Variants in CDH12 observed in about 807,000 individuals in gnomAD.
The protein encoded by CDH12 is cadherin-12.
Under a neutral mutation model 74.1 loss-of-function variants are expected in CDH12, and 41 were observed. The ratio of observed to expected loss-of-function variants is 0.55; its 90% CI spans 0.43 to 0.72. CDH12 has a LOEUF of 0.72. Ranked by LOEUF, CDH12 falls within the 30% of genes least tolerant of loss-of-function variation. The pLI, the probability that CDH12 is intolerant of heterozygous loss-of-function variation, is 0.00. For synonymous variants in CDH12, 399 were observed against 355.0 expected, an observed-to-expected ratio of 1.12 and a Z score of -1.39; for missense variants, 945 against 977.2, an observed-to-expected ratio of 0.97 and a Z score of 0.44.
intron 3 of CDH12, among the ~76,000 whole-genome samples, chr5:22,300,950 C>T (rs974226299): frequency 3.5e-4 from 53 of 152,062 alleles, no homozygotes; most frequent in African/African-American, 1.3e-3. Context: ...TTTTCTATGA[C>T]CCAAGTATAA....
chr5:21,959,327 T>C (rs1316586375), intron 6 of CDH12, among the ~76,000 whole-genome samples: 3 of 151,882 alleles, frequency 2.0e-5, no homozygotes, highest in African/African-American at 7.2e-5. Flanking sequence ...GGATTTCCTA[T>C]GTTGAATAGG....
chr5:22,214,941 T>C (rs919047534), intron 3 of CDH12, among the ~76,000 whole-genome samples: 4 of 152,220 alleles, frequency 2.6e-5, no homozygotes, highest in African/African-American at 9.7e-5. Flanking sequence ...ATTGATTTTA[T>C]GTGAAAGTAC....
intron 3 of CDH12, among the ~76,000 whole-genome samples, chr5:22,235,079 C>T (rs959972402): frequency 2.0e-5 from 3 of 152,090 alleles, no homozygotes; most frequent in Admixed American, 1.3e-4. Flanking sequence ...TTATTATTTA[C>T]ACATACTTGA....
chr5:22,559,401 C>T (rs1459388136), intron 1 of CDH12, among the ~76,000 whole-genome samples: 2 of 151,892 alleles, frequency 1.3e-5, no homozygotes, highest in East Asian at 1.9e-4. Context: ...AAGAGAAAAA[C>T]AACAGCAATG....
chr5:22,668,377 T>A (rs74932088), intron 1 of CDH12, among the ~76,000 whole-genome samples: 6 of 152,364 alleles, frequency 3.9e-5, no homozygotes, highest in African/African-American at 1.2e-4. Flanking sequence ...TCTCTTTTTT[T>A]AAATCTCTTT....
intron 1 of CDH12, among the ~76,000 whole-genome samples, chr5:22,845,343 A>G (rs1490342880): frequency 2.0e-5 from 3 of 152,160 alleles, no homozygotes; most frequent in African/African-American, 7.2e-5. Context: ...ATAATTCACG[A>G]GTATGTCTCA....
rs374815294 is a variant in CDH12 at position 22,791,696 on chromosome 5, T to C, written c.-523+61362A>G. Among the ~76,000 whole-genome samples the C allele has an allele frequency of 3.5e-4, 53 of 152,308 alleles. No homozygotes were observed. The South Asian group carries it at 0.011, about 31-fold the overall frequency. On this transcript the variant is annotated intron_variant, in intron 1 of 14. Transcript: ENST00000382254. ...ATGACTGGGGAGGCCTCAGGAAATT[T>C]ACAATCATTGCAAAGGTGAAGGGGA...
chr5:21,898,059 C>A (rs1753206141), intron 6 of CDH12, among the ~76,000 whole-genome samples: 1 of 152,074 alleles, frequency 6.6e-6, no homozygotes, highest in Non-Finnish European at 1.5e-5. Context: ...TAATGACAGG[C>A]ATGACCTTAT....
At chr5:22,031,810 G>A (rs1023521890) in intron 5 of CDH12, among the ~76,000 whole-genome samples, 4 of 152,022 alleles carry the variant, frequency 2.6e-5, no homozygotes, top group Non-Finnish European at 5.9e-5. Flanking sequence ...ACAGTTTATG[G>A]AGCCCCAAAA....
intron 4 of CDH12, among the ~76,000 whole-genome samples, chr5:22,191,048 C>T (rs1457115367): frequency 1.3e-5 from 2 of 152,318 alleles, no homozygotes; most frequent in East Asian, 3.9e-4. Context: ...TCTAAATTGG[C>T]ACAGTCTTCT....
At chr5:21,895,871 G>A (rs982617852) in intron 6 of CDH12, among the ~76,000 whole-genome samples, 2 of 152,152 alleles carry the variant, frequency 1.3e-5, no homozygotes, top group African/African-American at 4.8e-5. Flanking sequence ...AACACAGCCT[G>A]GGAGCCCACT....
chr5:22,656,839 G>A (rs1383847724), intron 1 of CDH12, among the ~76,000 whole-genome samples: 1 of 151,994 alleles, frequency 6.6e-6, no homozygotes, highest in Non-Finnish European at 1.5e-5. Context: ...TGTGTGTGTT[G>A]GAGAGAGAGA....
At chr5:22,263,973 CTTTTTT>C (rs1233605161) in intron 3 of CDH12, among the ~76,000 whole-genome samples, 1 of 151,764 alleles carries the variant, frequency 6.6e-6, no homozygotes, top group Non-Finnish European at 1.5e-5. Flanking sequence ...TTGCTAATTT[CTTTTTT>C]TAAAACATAC....
chr5:21,860,115 G>A (rs374750528), intron 6 of CDH12, among the ~76,000 whole-genome samples: 7 of 152,118 alleles, frequency 4.6e-5, no homozygotes, highest in African/African-American at 1.7e-4. Flanking sequence ...ACGACCACGT[G>A]ACTCGTTGCA....
intron 6 of CDH12, among the ~76,000 whole-genome samples, chr5:21,928,674 A>T (rs1484264842): frequency 6.6e-6 from 1 of 151,712 alleles, no homozygotes; most frequent in East Asian, 1.9e-4. Context: ...TTAATTTTGT[A>T]TTTTTTGTAT....
At chr5:22,851,947 CT>C (rs1213172354) in intron 1 of CDH12, among the ~76,000 whole-genome samples, 2 of 152,162 alleles carry the variant, frequency 1.3e-5, no homozygotes, top group African/African-American at 4.8e-5. Context: ...AACCTTACAA[CT>C]GCTCAGGTAT....
intron 1 of CDH12, among the ~76,000 whole-genome samples, chr5:22,818,486 T>C (rs932500085): frequency 3.9e-5 from 6 of 152,184 alleles, no homozygotes; most frequent in Admixed American, 1.3e-4. Context: ...AGGTTTTATA[T>C]GTATGTATGT....
chr5:21,873,996 A>C (rs563040536), intron 6 of CDH12, among the ~76,000 whole-genome samples: 1 of 152,270 alleles, frequency 6.6e-6, no homozygotes, highest in East Asian at 1.9e-4. Context: ...TTCTTTATCC[A>C]GTCTATCATT....
intron 3 of CDH12, among the ~76,000 whole-genome samples, chr5:22,311,527 C>T (rs1738387843): frequency 6.6e-6 from 1 of 151,838 alleles, no homozygotes; most frequent in Admixed American, 6.6e-5. Flanking sequence ...CATGGTGAAA[C>T]CTCATCTCTA....
Sources: allele counts gnomAD v4.1 joint callset (sites outside exome capture counted in the v4.1 genomes callset), GRCh38; gene constraint gnomAD v4.1.1; transcripts MANE v1.5; gene names NCBI Gene and HGNC (gene_info 2026-07-23, HGNC 2026-07-21).